CENPX: variants seen among roughly 807,000 people sequenced by gnomAD.
The protein encoded by CENPX is centromere protein X.
A neutral mutation model predicts 13.2 loss-of-function variants in CENPX; 13 were observed. The observed-to-expected ratio is 0.98, with a 90% confidence interval of 0.64 to 1.56. CENPX has a LOEUF of 1.56. Ranked by LOEUF, CENPX falls within the 40% of genes most tolerant of loss-of-function variation. The pLI, the probability that CENPX is intolerant of heterozygous loss-of-function variation, is 0.00. For missense variants in CENPX, 138 were observed against 107.5 expected (o/e 1.28, Z -1.26); for synonymous variants, 66 against 47.2 (o/e 1.40, Z -1.63).
chr17:82,019,444 G>A (rs1277746207), intron 3 of CENPX, 63 bp from the exon 4 acceptor site: 87 of 1,518,140 alleles, frequency 5.7e-5, no homozygotes, highest in Non-Finnish European at 7.5e-5. Context: ...GCCCAGTGAG[G>A]GCCTCAGCCT....
intron 2 of CENPX, 33 bp downstream of exon 2, chr17:82,019,825 G>A: frequency 7.5e-6 from 12 of 1,598,936 alleles, no homozygotes; most frequent in Non-Finnish European, 8.5e-6. Context: ...ACAGACACGG[G>A]GACCCACCTC....
In CENPX at chr17:82,020,237, C is replaced by T. The variant is rs540051495; in HGVS notation, c.37-328G>A. Among the ~76,000 whole-genome samples, 140 of 152,362 alleles carry T rather than the reference C, an allele frequency of 9.2e-4. 2 individuals are homozygous for T. Among genetic ancestry groups the T allele is most frequent in the Non-Finnish European group, 1.8e-3 (122 of 68,034 alleles). On this transcript the variant is annotated intron_variant, in intron 1 of 4. Coordinates refer to ENST00000392359, the MANE Select transcript of CENPX (RefSeq NM_001271006.2). Reference sequence around the variant, plus strand: ...GAGTGGAGAAAGGCCTCGTCGAGTCCGGCCTAATCTTGCACTCCCATCCCC... The same window carrying T: ...GAGTGGAGAAAGGCCTCGTCGAGTCTGGCCTAATCTTGCACTCCCATCCCC...
intron 1 of CENPX, among the ~76,000 whole-genome samples, chr17:82,021,626 A>G (rs1370118986): frequency 3.9e-5 from 6 of 152,178 alleles, no homozygotes; most frequent in Non-Finnish European, 8.8e-5. Flanking sequence ...ACTCCCCGTC[A>G]TTCTCACGCT....
Position 82,019,840 on chromosome 17 carries a change from C to A in CENPX, c.88+18G>T. On this transcript the variant is annotated intron_variant, in intron 2 of 4. Transcript: ENST00000392359. ...ACAGACACGGGGACCCACCTCCCGC[C>A]CGCACCCCCACCCGCACCTTTGGTC... The A allele has an allele frequency of 6.3e-7, 1 of 1,592,852 alleles. No individual in the cohort carries two copies. Among genetic ancestry groups the A allele is most frequent in the Non-Finnish European group, 8.6e-7 (1 of 1,165,456 alleles).
chr17:82,019,730 C>G (rs1308147309), intron 2 of CENPX, 36 bp from the exon 3 acceptor site: 1 of 1,550,358 alleles, frequency 6.5e-7, no homozygotes, highest in South Asian at 1.2e-5. Flanking sequence ...GGACCCTCAC[C>G]CACCGCTCTG....
intron 1 of CENPX, among the ~76,000 whole-genome samples, chr17:82,020,868 G>A (rs538619408): frequency 2.6e-5 from 4 of 152,356 alleles, no homozygotes; most frequent in Admixed American, 2.6e-4. Flanking sequence ...AGGAGTGGTG[G>A]GTGGCAGCTG....
chr17:82,022,602 C>T (rs1200217417), intron 1 of CENPX: 2 of 596,286 alleles, frequency 3.4e-6, no homozygotes, highest in Non-Finnish European at 5.8e-6. Context: ...CCCTCTCCAC[C>T]TTCCCGCAGC....
At chr17:82,022,768 C>T (rs528386869) in intron 1 of CENPX, 58 bp downstream of exon 1, 1 of 1,528,822 alleles carries the variant, frequency 6.5e-7, no homozygotes, top group Non-Finnish European at 8.8e-7. Context: ...CACAGTGTCA[C>T]GCGTGAGGTC....
At chr17:82,019,521 G>C (rs1312130371) in intron 3 of CENPX, 120 bp downstream of exon 3, 10 of 1,532,734 alleles carry the variant, frequency 6.5e-6, no homozygotes, top group Non-Finnish European at 5.3e-6. Context: ...TGACAAACAG[G>C]CTCAGGAGAC....
Position 82,022,820 on chromosome 17 carries a change from C to T in CENPX, c.36+6G>A. 6.3e-7 allele frequency: 1 copy of T among 1,586,866 alleles called. No homozygotes were observed. On this transcript the variant is annotated splice_donor_region_variant and intron_variant, in intron 1 of 4. Transcript: ENST00000392359. ...GCCTGCCTAGCCCCTGCCCTCCGGC[C>T]CTCACCTTCCGGAAGCCGGATCCAG...
chr17:82,022,780 G>A (rs202174128), intron 1 of CENPX, 46 bp downstream of exon 1: 5 of 1,548,894 alleles, frequency 3.2e-6, no homozygotes, highest in Admixed American at 1.9e-5. Flanking sequence ...CGTGAGGTCG[G>A]GACGGAGCGT....
rs567406861 is a variant in CENPX at position 82,020,191 on chromosome 17, G to A, written c.37-282C>T. Among the ~76,000 whole-genome samples, 5 of 152,366 alleles carry A rather than the reference G, an allele frequency of 3.3e-5. No individual in the cohort carries two copies. The South Asian group carries it at 8.3e-4, about 25-fold the overall frequency. ...GGTCGCAGACACGGGAGCAGGCCCC[G>A]CTGCTGGGGCTCCAGGGAGAGAGTG... On this transcript the variant is annotated intron_variant, in intron 1 of 4. Transcript: ENST00000392359.
chr17:82,022,493 C>A (rs905472182), intron 1 of CENPX: 5 of 483,280 alleles, frequency 1.0e-5, no homozygotes, highest in African/African-American at 4.2e-5. Flanking sequence ...TAACAAAAGA[C>A]CCCAGGCTCA....
chr17:82,020,728 G>A (rs2043266428), intron 1 of CENPX, among the ~76,000 whole-genome samples: 1 of 152,236 alleles, frequency 6.6e-6, no homozygotes, highest in African/African-American at 2.4e-5. Context: ...TGGAGGACGG[G>A]GACAAGGGAG....
In CENPX at chr17:82,019,211, G is replaced by C; in HGVS notation, c.240C>G (p.Asp80Glu). ...LEKVLPQLLL[D>E]F Reference sequence around the variant, plus strand: ...TCAGCCACGGCTGAGATCCCTAGAAGTCCAGGAGCTGTGGGGAAGAGAAGC... The same window carrying C: ...TCAGCCACGGCTGAGATCCCTAGAACTCCAGGAGCTGTGGGGAAGAGAAGC... Residue 80 changes from aspartate (D) to glutamate (E), a missense_variant, in exon 5 of 5, where the codon GAC becomes GAG. Transcript: ENST00000392359. 1 of 1,584,786 alleles carries C rather than the reference G, an allele frequency of 6.3e-7. No homozygotes were observed. Among genetic ancestry groups the C allele is most frequent in the South Asian group, 1.1e-5 (1 of 88,418 alleles).
chr17:82,022,760 C>T (rs1187098560), intron 1 of CENPX, 66 bp downstream of exon 1: 12 of 1,522,442 alleles, frequency 7.9e-6, no homozygotes, highest in Admixed American at 2.0e-5. Context: ...CTGGCCCTCA[C>T]AGTGTCACGC....
intron 1 of CENPX, among the ~76,000 whole-genome samples, chr17:82,020,833 T>C (rs2043268571): frequency 6.6e-6 from 1 of 151,986 alleles, no homozygotes; most frequent in African/African-American, 2.4e-5. Flanking sequence ...AGGAGATCAG[T>C]TTGGGATGCG....
chr17:82,022,732 C>A lies in CENPX; in HGVS notation c.36+94G>T. Reference sequence around the variant, plus strand: ...GGCCCAACCTCAAAGGCACAGGGGGCGGCGCGGGGGCTGGCGTCTGGCCCT... The same window carrying A: ...GGCCCAACCTCAAAGGCACAGGGGGAGGCGCGGGGGCTGGCGTCTGGCCCT... On this transcript the variant is annotated intron_variant, in intron 1 of 4. Transcript: ENST00000392359. 3 of 1,416,132 alleles carry A rather than the reference C, an allele frequency of 2.1e-6. 1 individual carries two copies. Among genetic ancestry groups the A allele is most frequent in the South Asian group, 2.5e-5 (2 of 81,184 alleles). The allele number at this position is 1,416,132 out of a possible 1,614,324, so 87.7% of individuals were successfully genotyped here.
At chr17:82,019,799 G>T in intron 2 of CENPX, 59 bp downstream of exon 2, 1 of 1,579,074 alleles carries the variant, frequency 6.3e-7, no homozygotes, top group South Asian at 1.2e-5. Context: ...AGAGTTGCAG[G>T]AAAGGGTCCC....
Sources: allele counts gnomAD v4.1 joint callset (sites outside exome capture counted in the v4.1 genomes callset), GRCh38; gene constraint gnomAD v4.1.1; transcripts MANE v1.5; gene names NCBI Gene and HGNC (gene_info 2026-07-23, HGNC 2026-07-21).